FRMD4A: variants seen among roughly 807,000 people sequenced by gnomAD.
The protein encoded by FRMD4A is FERM domain containing 4A.
Under a neutral mutation model 129.1 loss-of-function variants are expected in FRMD4A, and 29 were observed. The observed-to-expected ratio is 0.22, with a 90% CI of 0.17 to 0.31. The LOEUF (loss-of-function observed/expected upper bound fraction) is 0.31, where lower values mean the gene tolerates loss of function less well. Ranked by LOEUF, FRMD4A falls within the 10% of genes least tolerant of loss-of-function variation. The pLI is 1.00. For synonymous variants in FRMD4A, 634 were observed against 571.6 expected (o/e 1.11, Z -1.56); for missense variants, 1,272 against 1,375.8 (o/e 0.92, Z 1.19).
chr10:14,032,710 C>G (rs143543312), intron 2 of FRMD4A, among the ~76,000 whole-genome samples: 1 of 152,374 alleles, frequency 6.6e-6, no homozygotes, highest in East Asian at 1.9e-4. Context: ...TGTCCACCAT[C>G]ACCCCTCAGA....
intron 2 of FRMD4A, among the ~76,000 whole-genome samples, chr10:13,887,208 A>G (rs1024421280): frequency 6.6e-6 from 1 of 152,062 alleles, no homozygotes; most frequent in African/African-American, 2.4e-5. Flanking sequence ...TGAGACTACC[A>G]CTCATTTCTT....
chr10:13,749,057 C>T (rs2130640340), intron 8 of FRMD4A, among the ~76,000 whole-genome samples: 1 of 152,312 alleles, frequency 6.6e-6, no homozygotes, highest in South Asian at 2.1e-4. Context: ...CCCCTCTGGG[C>T]CGGACCATCT....
At chr10:14,290,989 C>T (rs1416274191) in intron 2 of FRMD4A, among the ~76,000 whole-genome samples, 1 of 152,020 alleles carries the variant, frequency 6.6e-6, no homozygotes, top group Non-Finnish European at 1.5e-5. Flanking sequence ...TGGGAGTTAT[C>T]CACAGCAAGT....
rs199990055 is a variant in FRMD4A at position 13,693,872 on chromosome 10, C to T, written c.1117+26G>A. ...TGGGGTCCCAGCCATGCTCAGGGGG[C>T]GTCCCTCCAGCTGGCCTCTGCCTAC... is the stretch of plus-strand genomic sequence containing the variant. On this transcript the variant is annotated intron_variant, in intron 15 of 24. Transcript: ENST00000357447. 9 of 1,606,278 alleles carry T rather than the reference C, an allele frequency of 5.6e-6. No homozygotes were observed. The East Asian group carries it at 1.3e-4, about 24-fold the overall frequency.
At chr10:14,218,115 C>T (rs970777599) in intron 2 of FRMD4A, among the ~76,000 whole-genome samples, 10 of 152,210 alleles carry the variant, frequency 6.6e-5, no homozygotes, top group African/African-American at 2.4e-4. Flanking sequence ...TAGGCATGAG[C>T]CATGGTGCCC....
chr10:13,779,857 A>C (rs985230537), intron 6 of FRMD4A, among the ~76,000 whole-genome samples: 1 of 151,754 alleles, frequency 6.6e-6, no homozygotes, highest in Non-Finnish European at 1.5e-5. Flanking sequence ...CACATAAAGC[A>C]CTCAGCAACA....
At chr10:14,106,366 G>A (rs12243226) in intron 2 of FRMD4A, among the ~76,000 whole-genome samples, 17,046 of 152,080 alleles carry the variant, frequency 0.11, 2,996 homozygotes, top group African/African-American at 0.38. Flanking sequence ...TTTATTTAAG[G>A]GGGTTGGTTC....
chr10:14,135,199 C>T (rs1839473115), intron 2 of FRMD4A, among the ~76,000 whole-genome samples: 1 of 152,206 alleles, frequency 6.6e-6, no homozygotes, highest in South Asian at 2.1e-4. Flanking sequence ...GAAAGAACTC[C>T]ATACTTCTAT....
intron 2 of FRMD4A, among the ~76,000 whole-genome samples, chr10:14,225,712 C>A (rs952525196): frequency 3.9e-5 from 6 of 152,216 alleles, no homozygotes; most frequent in African/African-American, 1.2e-4. Context: ...GTGCACCAAA[C>A]AACCTTCTGA....
At chr10:13,684,759 C>T (rs2084923765) in intron 15 of FRMD4A, 1 of 984,678 alleles carries the variant, frequency 1.0e-6, no homozygotes, top group African/African-American at 1.8e-5. Context: ...GGGGTGCTTT[C>T]CTCTCTGGAA....
intron 2 of FRMD4A, among the ~76,000 whole-genome samples, chr10:13,860,242 C>T (rs539511346): frequency 1.1e-3 from 171 of 152,322 alleles, no homozygotes; most frequent in Middle Eastern, 3.4e-3. Context: ...GATAGACAAA[C>T]ATAGCCTCAA....
At chr10:14,001,863 TAATA>T (rs2095644011) in intron 2 of FRMD4A, among the ~76,000 whole-genome samples, 1 of 152,212 alleles carries the variant, frequency 6.6e-6, no homozygotes, top group South Asian at 2.1e-4. Context: ...CGCTCAATGG[TAATA>T]AATATCCACT....
chr10:13,736,328 T>C (rs149700033), intron 12 of FRMD4A, among the ~76,000 whole-genome samples: 3 of 152,082 alleles, frequency 2.0e-5, no homozygotes, highest in Non-Finnish European at 2.9e-5. Context: ...GATCCCACAA[T>C]TGAGGAACAC....
chr10:13,928,664 G>T (rs2095161700), intron 2 of FRMD4A, among the ~76,000 whole-genome samples: 1 of 152,144 alleles, frequency 6.6e-6, no homozygotes, highest in African/African-American at 2.4e-5. Flanking sequence ...TTGTGCTAAG[G>T]CTGGCTGGCA....
At chr10:13,660,617 C>A (rs1302707947) in intron 19 of FRMD4A, 64 bp from the exon 20 acceptor site, 2 of 959,818 alleles carry the variant, frequency 2.1e-6, no homozygotes, top group Admixed American at 2.1e-5. Flanking sequence ...TGAGACAGAA[C>A]CCCTACACCC....
intron 6 of FRMD4A, among the ~76,000 whole-genome samples, chr10:13,772,168 ATAT>A (rs1038712212): frequency 1.2e-4 from 16 of 134,488 alleles, no homozygotes; most frequent in Non-Finnish European, 2.5e-4. Context: ...AATATATAAT[ATAT>A]TATATTATAT....
At chr10:13,805,785 C>T (rs2093348084) in intron 4 of FRMD4A, among the ~76,000 whole-genome samples, 1 of 152,004 alleles carries the variant, frequency 6.6e-6, no homozygotes, top group Admixed American at 6.6e-5. Flanking sequence ...AACTCCTGGG[C>T]TCAAGTGATC....
intron 2 of FRMD4A, among the ~76,000 whole-genome samples, chr10:14,129,371 CATATATATATATATATAT>C (rs3033977): frequency 4.3e-5 from 2 of 46,218 alleles, no homozygotes; most frequent in African/African-American, 1.6e-4. Context: ...AATTATGATT[CATATATATATATATATAT>C]ATATATATAT....
At chr10:13,907,927 A>G (rs1399430494) in intron 2 of FRMD4A, among the ~76,000 whole-genome samples, 1 of 151,282 alleles carries the variant, frequency 6.6e-6, no homozygotes, top group South Asian at 2.1e-4. Flanking sequence ...GCACTTTGGG[A>G]GGCCGAGGCA....
Sources: allele counts gnomAD v4.1 joint callset (sites outside exome capture counted in the v4.1 genomes callset), GRCh38; gene constraint gnomAD v4.1.1; transcripts MANE v1.5; gene names NCBI Gene and HGNC (gene_info 2026-07-23, HGNC 2026-07-21).